The following RGL1 variants were observed in gnomAD, a reference collection of about 807,000 sequenced individuals.
RGL1 encodes ral guanine nucleotide dissociation stimulator like 1.
Under a neutral mutation model 95.2 loss-of-function variants are expected in RGL1, and 24 were observed. That is an observed-to-expected ratio of 0.25 (90% confidence interval 0.18 to 0.35). RGL1 has a LOEUF of 0.35. RGL1 is among the 10% of genes least tolerant of loss of function. The pLI, the probability that RGL1 is intolerant of heterozygous loss-of-function variation, is 1.00. For missense variants in RGL1, 715 were observed against 936.3 expected (o/e 0.76, Z 3.08); for synonymous variants, 329 against 344.9 (o/e 0.95, Z 0.51).
chr1:183,819,690 G>GT, intron 2 of RGL1, among the ~76,000 whole-genome samples: 1 of 151,954 alleles, frequency 6.6e-6, no homozygotes, highest in Non-Finnish European at 1.5e-5. Flanking sequence ...CTTTGCATCG[G>GT]TGTTCAATGG....
intron 2 of RGL1, among the ~76,000 whole-genome samples, chr1:183,809,628 C>G (rs1225039464): frequency 8.6e-5 from 13 of 152,030 alleles, no homozygotes. Flanking sequence ...TTTAAAAAAT[C>G]TTAGGATTGG....
chr1:183,859,469 A>G (rs1382831169), intron 3 of RGL1, among the ~76,000 whole-genome samples: 1 of 152,188 alleles, frequency 6.6e-6, no homozygotes, highest in African/African-American at 2.4e-5. Flanking sequence ...TCTCCAGGAA[A>G]ATGTTATAGC....
chr1:183,680,785 CG>C (rs1293396694), intron 1 of RGL1, among the ~76,000 whole-genome samples: 1 of 152,026 alleles, frequency 6.6e-6, no homozygotes, highest in East Asian at 1.9e-4. Flanking sequence ...GCCATTTTCA[CG>C]ATATTGATTC....
chr1:183,866,907 G>A (rs1293233459), intron 4 of RGL1, among the ~76,000 whole-genome samples: 2 of 152,188 alleles, frequency 1.3e-5, no homozygotes, highest in Admixed American at 6.5e-5. Flanking sequence ...AAGGTGACCA[G>A]CCTTTGCAGA....
chr1:183,874,421 C>A (rs1368983930), intron 4 of RGL1, among the ~76,000 whole-genome samples: 1 of 152,150 alleles, frequency 6.6e-6, no homozygotes, highest in Non-Finnish European at 1.5e-5. Context: ...GCTTATCCAT[C>A]CTACTCCGGG....
chr1:183,882,918 G>A (rs1385406683), intron 5 of RGL1, among the ~76,000 whole-genome samples: 2 of 152,218 alleles, frequency 1.3e-5, no homozygotes, highest in Non-Finnish European at 2.9e-5. Flanking sequence ...ATAACTGAAT[G>A]TAACTAGAGT....
intron 9 of RGL1, among the ~76,000 whole-genome samples, chr1:183,897,319 A>C (rs10911461): frequency 0.2 from 30,853 of 152,194 alleles, 3,916 homozygotes; most frequent in Admixed American, 0.34. Flanking sequence ...GGATGATCTG[A>C]GATCAGGAGT....
intron 1 of RGL1, chr1:183,647,183 GA>G: frequency 6.5e-6 from 1 of 152,938 alleles, no homozygotes; most frequent in Non-Finnish European, 1.5e-5. Flanking sequence ...AATCACTTTA[GA>G]AAAAAATGAG....
chr1:183,918,789 A>G (rs1257706492), intron 16 of RGL1, among the ~76,000 whole-genome samples: 2 of 152,178 alleles, frequency 1.3e-5, no homozygotes, highest in African/African-American at 2.4e-5. Flanking sequence ...CTCACCTTTC[A>G]TGAAAATCCT....
chr1:183,771,115 A>T (rs1201099855), intron 2 of RGL1, among the ~76,000 whole-genome samples: 2 of 152,208 alleles, frequency 1.3e-5, no homozygotes, highest in Non-Finnish European at 2.9e-5. Context: ...GGATAAAATG[A>T]GATAGGACTT....
Position 183,778,890 on chromosome 1 carries a change from T to A in RGL1, c.133-27485T>A, listed in dbSNP as rs181065690. Reference sequence around the variant, plus strand: ...GATTCAGTGCTCCTTTGAAGACAAATGGGCCGTGATAGGTGGAGCAGTTTC... The same window carrying A: ...GATTCAGTGCTCCTTTGAAGACAAAAGGGCCGTGATAGGTGGAGCAGTTTC... On this transcript the variant is annotated intron_variant, in intron 2 of 18. Transcript: ENST00000304685. Among the ~76,000 whole-genome samples the A allele has an allele frequency of 4.1e-4, 62 of 152,310 alleles. No individual in the cohort carries two copies. In the East Asian group the frequency reaches 5.2e-3, roughly 13 times the overall value.
At chr1:183,643,189 T>G (rs1650043798) in intron 1 of RGL1, among the ~76,000 whole-genome samples, 3 of 152,254 alleles carry the variant, frequency 2.0e-5, no homozygotes, top group Admixed American at 2.0e-4. Flanking sequence ...TTTGGTTTGG[T>G]TCTACCTTTT....
chr1:183,791,694 C>A (rs984833071), intron 2 of RGL1, among the ~76,000 whole-genome samples: 6 of 152,198 alleles, frequency 3.9e-5, no homozygotes, highest in Non-Finnish European at 7.3e-5. Flanking sequence ...TATGCAGCAT[C>A]TTTTGATAAG....
intron 2 of RGL1, among the ~76,000 whole-genome samples, chr1:183,746,395 G>A (rs1305497358): frequency 6.6e-6 from 1 of 151,622 alleles, no homozygotes; most frequent in Non-Finnish European, 1.5e-5. Flanking sequence ...TATATGTATG[G>A]TGTCTTTGGT....
intron 1 of RGL1, among the ~76,000 whole-genome samples, chr1:183,649,011 C>T (rs1247899455): frequency 1.3e-5 from 2 of 152,204 alleles, no homozygotes; most frequent in Non-Finnish European, 2.9e-5. Flanking sequence ...GAAAGGCGTT[C>T]TTCAACTTTA....
intron 1 of RGL1, among the ~76,000 whole-genome samples, chr1:183,665,122 C>A (rs10911395): frequency 0.069 from 10,460 of 152,018 alleles, 624 homozygotes; most frequent in African/African-American, 0.16. Flanking sequence ...AATGCCTTTT[C>A]CACATTCATT....
chr1:183,745,387 T>C (rs976378639), intron 2 of RGL1, among the ~76,000 whole-genome samples: 1 of 152,158 alleles, frequency 6.6e-6, no homozygotes, highest in Non-Finnish European at 1.5e-5. Flanking sequence ...TTTTTTCTGC[T>C]TTAAGAAATT....
chr1:183,845,349 A>G lies in RGL1; in HGVS notation c.139-2217A>G, dbSNP rs553028013. On this transcript the variant is annotated intron_variant, in intron 2 of 17. Coordinates refer to ENST00000360851, the MANE Select transcript of RGL1 (RefSeq NM_001297671.3). ...TCTCTGTATAATTTGTTAGGCACAGATTTACTGCAGAATGTAAGGCACACC... is the reference window on the plus strand; with the variant it reads ...TCTCTGTATAATTTGTTAGGCACAGGTTTACTGCAGAATGTAAGGCACACC... Among the ~76,000 whole-genome samples the G allele has an allele frequency of 1.6e-3, 249 of 152,338 alleles. 1 individual carries two copies. The highest frequency in any genetic ancestry group is 2.4e-3 in the Non-Finnish European group (166 of 68,032).
chr1:183,654,786 A>G (rs1454063135), intron 1 of RGL1, among the ~76,000 whole-genome samples: 1 of 152,218 alleles, frequency 6.6e-6, no homozygotes, highest in African/African-American at 2.4e-5. Flanking sequence ...TATCAATTGC[A>G]TTTTAGGGTG....
Sources: allele counts gnomAD v4.1 joint callset (sites outside exome capture counted in the v4.1 genomes callset), GRCh38; gene constraint gnomAD v4.1.1; transcripts MANE v1.5; gene names NCBI Gene and HGNC (gene_info 2026-07-23, HGNC 2026-07-21).